Variants in LMAN2 observed in about 807,000 individuals in gnomAD.
LMAN2 encodes lectin, mannose binding 2.
A neutral mutation model predicts 39.3 loss-of-function variants in LMAN2; 22 were observed. The ratio of observed to expected loss-of-function variants is 0.56; its 90% CI spans 0.40 to 0.80. The LOEUF is 0.80. LMAN2 is among the 30% of genes least tolerant of loss of function. The probability of loss-of-function intolerance (pLI) is 0.00; values close to 1 mark genes in which losing one functional copy is unlikely to be tolerated. For missense variants in LMAN2, 494 were observed against 505.4 expected (o/e 0.98, Z 0.22); for synonymous variants, 207 against 207.8 (o/e 1.00, Z 0.03).
rs1216598865 is a variant in LMAN2 at position 177,351,579 on chromosome 5, G to T, written c.69C>A (p.Leu23=). The T allele has an allele frequency of 1.2e-6, 2 of 1,613,576 alleles. No homozygotes were observed. The highest frequency in any genetic ancestry group is 1.7e-5 in the Admixed American group (1 of 59,844). Residue 23 remains leucine, a synonymous_variant, in exon 1 of 8, where the codon CTC becomes CTA. Transcript: ENST00000303127. ...GRRCLGRPGL[L]GPGPGPTTPL... ...GTGTAGTGGGGCCAGGGCCGGGGCC[G>T]AGAAGCCCAGGCCTTCCCAGGCACC...
At position 177,332,115 on chromosome 5, in the gene LMAN2, G is replaced by A. The variant is rs1231105909; in HGVS notation, c.1042C>T (p.Arg348Trp). ...AVVGAVVFQK[R>W]QERNKRFY ...TAGAAGCGCTTGTTCCGCTCCTGCC[G>A]CTTCTGGAACACCACGGCCCCCACC... Residue 348 changes from arginine (R) to tryptophan (W), a missense_variant, in exon 8 of 8, where the codon CGG becomes TGG. Arg to Trp is a moderately radical substitution (Grantham distance 101, BLOSUM62 -3). Transcript: ENST00000303127. The surrounding 1 kb of genome is among the most constrained non-coding windows in gnomAD (Gnocchi z 6.3). 1.9e-6 allele frequency: 3 copies of A among 1,613,260 alleles called. No individual in the cohort carries two copies. Among genetic ancestry groups the A allele is most frequent in the East Asian group, 2.2e-5 (1 of 44,880 alleles).
At chr5:177,334,236 T>C (rs762721445) in intron 7 of LMAN2, 48 bp downstream of exon 7, 1 of 1,572,422 alleles carries the variant, frequency 6.4e-7, no homozygotes, top group South Asian at 1.1e-5. Context: ...CACCCCATTC[T>C]GGGTCAGGCC....
chr5:177,349,815 G>C (rs1034830593), intron 2 of LMAN2, among the ~76,000 whole-genome samples: 1 of 152,170 alleles, frequency 6.6e-6, no homozygotes, highest in African/African-American at 2.4e-5. Context: ...AATGTGACTC[G>C]GGGGAGATAG....
chr5:177,334,580 A>C, intron 6 of LMAN2, 177 bp from the exon 7 acceptor site: 2 of 715,618 alleles, frequency 2.8e-6, no homozygotes, highest in Non-Finnish European at 2.2e-6. Flanking sequence ...AGTCACCAGC[A>C]ATAAAAAAGA....
At chr5:177,339,208 A>G (rs141255070) in intron 2 of LMAN2, among the ~76,000 whole-genome samples, 1 of 152,176 alleles carries the variant, frequency 6.6e-6, no homozygotes, top group East Asian at 1.9e-4. Flanking sequence ...CCTTTCACAT[A>G]AATTGCACCA....
rs779715783 is a variant in LMAN2, at chr5:177,337,510, G to A, written c.528C>T (p.Tyr176=). 6.2e-7 allele frequency: 1 copy of A among 1,614,100 alleles called. No homozygotes were observed. Among genetic ancestry groups the A allele is most frequent in the Non-Finnish European group, 8.5e-7 (1 of 1,179,986 alleles). Residue 176 remains tyrosine (Y), a synonymous_variant, in exon 5 of 8, where the codon TAC becomes TAT. Coordinates refer to ENST00000303127, the MANE Select transcript of LMAN2 (RefSeq NM_006816.3). This position sits in a 1 kb window ranked among gnomAD's most constrained non-coding sequence, Gnocchi z 8.2. ...NDETTERVFP[Y]ISVMVNNGSL... ...AGCCATTGTTCACCATCACCGAGAT[G>A]TACGGGAACACGCGCTGGGACCAAG...
chr5:177,342,952 G>C (rs147730970), intron 2 of LMAN2, among the ~76,000 whole-genome samples: 52 of 152,072 alleles, frequency 3.4e-4, no homozygotes, highest in African/African-American at 1.2e-3. Context: ...TTAATATCTA[G>C]AATATATTAA....
chr5:177,346,052 G>C (rs1377397589), intron 2 of LMAN2: 1 of 152,446 alleles, frequency 6.6e-6, no homozygotes, highest in African/African-American at 2.4e-5. Flanking sequence ...ACAGGCGTGA[G>C]CCACCGCACC....
intron 2 of LMAN2, among the ~76,000 whole-genome samples, chr5:177,343,846 G>C (rs535650606): frequency 6.6e-6 from 1 of 152,258 alleles, no homozygotes; most frequent in South Asian, 2.1e-4. Flanking sequence ...AAGAGTTCTG[G>C]AGACAGACGG....
chr5:177,349,475 G>A (rs1163886860), intron 2 of LMAN2, among the ~76,000 whole-genome samples: 2 of 152,200 alleles, frequency 1.3e-5, no homozygotes, highest in African/African-American at 4.8e-5. Context: ...TATCAGCAGA[G>A]CCAAATAGAA....
chr5:177,347,315 A>T (rs1192478957), intron 2 of LMAN2, among the ~76,000 whole-genome samples: 1 of 152,124 alleles, frequency 6.6e-6, no homozygotes, highest in African/African-American at 2.4e-5. Flanking sequence ...CATTCCCAGC[A>T]TGTTCACGGG....
At chr5:177,343,253 C>CAATA (rs982966396) in intron 2 of LMAN2, among the ~76,000 whole-genome samples, 4 of 152,114 alleles carry the variant, frequency 2.6e-5, no homozygotes, top group African/African-American at 7.2e-5. Context: ...GACTTCATCT[C>CAATA]AATAAATAAA....
At position 177,332,319 on chromosome 5, in the gene LMAN2, G is replaced by A. The variant is rs773661715; in HGVS notation, c.911-73C>T. The A allele has an allele frequency of 2.8e-6, 4 of 1,436,802 alleles. No individual in the cohort carries two copies. The South Asian group carries it at 3.7e-5, about 13-fold the overall frequency. The allele number at this position is 1,436,802 out of a possible 1,614,324, so 89.0% of individuals were successfully genotyped here. Reference sequence around the variant, plus strand: ...ATCAGGGGGCTGCAGGAGGGCAGTGGGGATGGAACAGGACAGCCGGCCACG... The same window carrying A: ...ATCAGGGGGCTGCAGGAGGGCAGTGAGGATGGAACAGGACAGCCGGCCACG... On this transcript the variant is annotated intron_variant, in intron 7 of 7. Transcript: ENST00000303127. The surrounding 1 kb of genome is among the most constrained non-coding windows in gnomAD (Gnocchi z 6.3).
intron 2 of LMAN2, among the ~76,000 whole-genome samples, chr5:177,349,944 G>A (rs552066767): frequency 6.6e-6 from 1 of 152,248 alleles, no homozygotes; most frequent in African/African-American, 2.4e-5. Flanking sequence ...GGAACAACAG[G>A]TGCAAAGGTC....
Position 177,351,542 on chromosome 5 carries a change from G to A in LMAN2, c.106C>T (p.Leu36Phe), listed in dbSNP as rs1470501874. ...GPGPTTPLFL[L>F]LLLGSVTADI... Reference sequence around the variant, plus strand: ...GCAGTCACAGACCCCAACAACAAAAGAAGAAAGAGAGGTGTAGTGGGGCCA... The same window carrying A: ...GCAGTCACAGACCCCAACAACAAAAAAAGAAAGAGAGGTGTAGTGGGGCCA... The change falls in exon 1 of 8, where the codon CTT becomes TTT. Residue 36 changes from leucine (L) to phenylalanine (F), a missense_variant. Leu to Phe is a conservative substitution (Grantham distance 22). Coordinates refer to ENST00000303127, the MANE Select transcript of LMAN2 (RefSeq NM_006816.3). 1 of 1,614,168 alleles carries A rather than the reference G, an allele frequency of 6.2e-7. No individual in the cohort carries two copies. Among genetic ancestry groups the A allele is most frequent in the Non-Finnish European group, 8.5e-7 (1 of 1,180,064 alleles).
chr5:177,344,685 C>T (rs1761608832), intron 2 of LMAN2, among the ~76,000 whole-genome samples: 1 of 150,640 alleles, frequency 6.6e-6, no homozygotes, highest in Non-Finnish European at 1.5e-5. Context: ...GCAGGCAGAT[C>T]ACCTGAGGTC....
At chr5:177,339,193 G>C (rs970396990) in intron 2 of LMAN2, among the ~76,000 whole-genome samples, 1 of 152,176 alleles carries the variant, frequency 6.6e-6, no homozygotes, top group South Asian at 2.1e-4. Flanking sequence ...CCCGCGGCCT[G>C]CAGGCCTTTC....
At chr5:177,335,338 T>C (rs1391059192) in intron 6 of LMAN2, among the ~76,000 whole-genome samples, 1 of 152,142 alleles carries the variant, frequency 6.6e-6, no homozygotes, top group Non-Finnish European at 1.5e-5. Context: ...GTTTTCAAAC[T>C]CCCAATGGTT....
At chr5:177,340,251 ATTTTTTTCTAAT>A in intron 2 of LMAN2, among the ~76,000 whole-genome samples, 1 of 152,242 alleles carries the variant, frequency 6.6e-6, no homozygotes, top group South Asian at 2.1e-4. Context: ...ACATGAAACT[ATTTTTTTCTAAT>A]TTTTTTCCCC....
Sources: gnomAD v4.1 joint callset for allele counts (sites outside exome capture counted in the v4.1 genomes callset) on GRCh38, gnomAD v4.1.1 for gene constraint, Gnocchi (gnomAD v3.1) non-coding constraint, MANE v1.5 for transcripts, NCBI Gene and HGNC (gene_info 2026-07-23, HGNC 2026-07-21) for gene names.